VPS41: variants seen among roughly 807,000 people sequenced by gnomAD.
VPS41 encodes vacuolar protein sorting-associated protein 41 homolog.
A neutral mutation model predicts 130.9 loss-of-function variants in VPS41; 85 were observed. That is an observed-to-expected ratio of 0.65 (90% CI 0.55 to 0.78). The LOEUF is 0.78. VPS41 is among the 30% of genes least tolerant of loss of function. The pLI, the probability that VPS41 is intolerant of heterozygous loss-of-function variation, is 0.00. For synonymous variants in VPS41, 335 were observed against 332.9 expected (o/e 1.01, Z -0.07); for missense variants, 874 against 1,018.7 (o/e 0.86, Z 1.93).
chr7:38,752,388 G>A, intron 21 of VPS41, 75 bp from the exon 22 acceptor site: 1 of 1,568,236 alleles, frequency 6.4e-7, no homozygotes, highest in South Asian at 1.1e-5. Flanking sequence ...GCTATTTTTA[G>A]CTCTAAACAC....
chr7:38,729,916 TTTATTA>T (rs1007903265), intron 25 of VPS41, among the ~76,000 whole-genome samples: 3 of 152,130 alleles, frequency 2.0e-5, no homozygotes, highest in Non-Finnish European at 2.9e-5. Flanking sequence ...TGTCATTTCA[TTTATTA>T]TTATTATTTT....
At chr7:38,770,269 CAAAA>C (rs5883660) in intron 14 of VPS41, among the ~76,000 whole-genome samples, 3 of 79,548 alleles carry the variant, frequency 3.8e-5, no homozygotes, top group Non-Finnish European at 5.6e-5. Flanking sequence ...AACTCCGTCT[CAAAA>C]AAAAAAAAAA....
chr7:38,801,726 G>A (rs1784730059), intron 7 of VPS41, among the ~76,000 whole-genome samples: 1 of 152,082 alleles, frequency 6.6e-6, no homozygotes, highest in Non-Finnish European at 1.5e-5. Flanking sequence ...CCAGTGCATT[G>A]GGGAAAAGGA....
intron 5 of VPS41, among the ~76,000 whole-genome samples, chr7:38,826,912 G>A (rs1195749351): frequency 1.3e-5 from 2 of 151,962 alleles, no homozygotes; most frequent in African/African-American, 2.4e-5. Context: ...TCTGCCTCCC[G>A]GATTCACACC....
At chr7:38,805,354 G>A (rs1460764204) in intron 7 of VPS41, among the ~76,000 whole-genome samples, 1 of 152,100 alleles carries the variant, frequency 6.6e-6, no homozygotes, top group Non-Finnish European at 1.5e-5. Flanking sequence ...CCAACATGGT[G>A]AAGCTCCGTC....
At chr7:38,755,924 A>C (rs933671138) in intron 19 of VPS41, among the ~76,000 whole-genome samples, 21 of 152,160 alleles carry the variant, frequency 1.4e-4, no homozygotes, top group Non-Finnish European at 2.5e-4. Flanking sequence ...AATTCTTCGT[A>C]AATCTGTAGT....
intron 4 of VPS41, among the ~76,000 whole-genome samples, chr7:38,860,327 T>C (rs533694939): frequency 3.3e-5 from 5 of 152,264 alleles, no homozygotes; most frequent in East Asian, 3.9e-4. Flanking sequence ...ACAACTTATA[T>C]AGAATAAAGT....
At chr7:38,895,151 A>G (rs1020517086) in intron 2 of VPS41, among the ~76,000 whole-genome samples, 1 of 152,058 alleles carries the variant, frequency 6.6e-6, no homozygotes, top group African/African-American at 2.4e-5. Context: ...GCAAAACCCC[A>G]TCTCTACTAA....
At chr7:38,730,920 A>G (rs1795651226) in intron 25 of VPS41, among the ~76,000 whole-genome samples, 1 of 152,228 alleles carries the variant, frequency 6.6e-6, no homozygotes, top group African/African-American at 2.4e-5. Flanking sequence ...AAACAGCAAA[A>G]TATGCAAACC....
At chr7:38,870,800 T>G (rs1255619329) in intron 2 of VPS41, among the ~76,000 whole-genome samples, 1 of 115,384 alleles carries the variant, frequency 8.7e-6, no homozygotes, top group Non-Finnish European at 1.8e-5. Context: ...AAGATAGAAA[T>G]TTTCAACAGA....
At chr7:38,863,344 T>C (rs1049889596) in intron 3 of VPS41, among the ~76,000 whole-genome samples, 2 of 152,204 alleles carry the variant, frequency 1.3e-5, no homozygotes, top group African/African-American at 4.8e-5. Flanking sequence ...ATGAGAGTTT[T>C]CTTCCTTTTT....
At chr7:38,765,273 AC>A (rs1784015681) in intron 16 of VPS41, among the ~76,000 whole-genome samples, 1 of 152,172 alleles carries the variant, frequency 6.6e-6, no homozygotes, top group African/African-American at 2.4e-5. Context: ...ATGCTTTATA[AC>A]CTACTGGATG....
At chr7:38,807,331 A>G (rs1219736483) in intron 7 of VPS41, among the ~76,000 whole-genome samples, 4 of 152,192 alleles carry the variant, frequency 2.6e-5, no homozygotes, top group Non-Finnish European at 5.9e-5. Context: ...GCTTGTACCA[A>G]TTTTCACTGT....
At chr7:38,884,693 T>C (rs937642012) in intron 2 of VPS41, among the ~76,000 whole-genome samples, 2 of 152,202 alleles carry the variant, frequency 1.3e-5, no homozygotes, top group African/African-American at 4.8e-5. Flanking sequence ...TGCCTTGGCC[T>C]GGGCTCTGAG....
chr7:38,789,997 C>T, intron 9 of VPS41, 130 bp from the exon 10 acceptor site: 1 of 794,504 alleles, frequency 1.3e-6, no homozygotes, highest in South Asian at 1.7e-5. Flanking sequence ...TACCCTATGA[C>T]TTAAATGACA....
chr7:38,770,033 G>A (rs1198797760), intron 14 of VPS41, among the ~76,000 whole-genome samples: 1 of 152,126 alleles, frequency 6.6e-6, no homozygotes, highest in Non-Finnish European at 1.5e-5. Context: ...ACTTTGGGAG[G>A]CCGAGGCAAG....
At chr7:38,854,718 C>G (rs1316786431) in intron 4 of VPS41, among the ~76,000 whole-genome samples, 1 of 152,102 alleles carries the variant, frequency 6.6e-6, no homozygotes, top group African/African-American at 2.4e-5. Context: ...TATCAGTTCA[C>G]CAGCTTTTAT....
At chr7:38,845,984 A>G (rs1244108267) in intron 4 of VPS41, among the ~76,000 whole-genome samples, 2 of 152,226 alleles carry the variant, frequency 1.3e-5, no homozygotes, top group Non-Finnish European at 2.9e-5. Flanking sequence ...GCTTATACAT[A>G]TATCCAACAA....
At chr7:38,822,747 C>T (rs1281608010) in intron 5 of VPS41, among the ~76,000 whole-genome samples, 1 of 152,160 alleles carries the variant, frequency 6.6e-6, no homozygotes, top group Non-Finnish European at 1.5e-5. Context: ...AATAGGCAAA[C>T]CATTTCACAA....
Sources: allele counts gnomAD v4.1 joint callset (sites outside exome capture counted in the v4.1 genomes callset), GRCh38; gene constraint gnomAD v4.1.1; transcripts MANE v1.5; gene names NCBI Gene and HGNC (gene_info 2026-07-23, HGNC 2026-07-21).